The following BLTP2 variants were observed in gnomAD, a reference collection of about 807,000 sequenced individuals.
BLTP2 encodes the protein U937-associated antigen.
At chr17:28,641,775 T>C in the BLTP2 span, 3 of 955,388 alleles carry the variant, frequency 3.1e-6, no homozygotes, top group East Asian at 4.9e-5. Context: ...AGGGTCAAAG[T>C]CCATGGTGAC....
chr17:28,635,626 A>G, the BLTP2 span: 1 of 1,594,006 alleles, frequency 6.3e-7, no homozygotes, highest in Non-Finnish European at 8.5e-7. Context: ...GGAGCAGAAG[A>G]AAAGGATCTG....
chr17:28,618,337 G>A, the BLTP2 span, among the ~76,000 whole-genome samples: 17 of 150,528 alleles, frequency 1.1e-4, no homozygotes, highest in East Asian at 2.0e-4. Flanking sequence ...CTGCAGGCTC[G>A]AACTCCAGGG....
the BLTP2 span, chr17:28,638,537 A>G: frequency 5.7e-5 from 92 of 1,610,524 alleles, no homozygotes; most frequent in Non-Finnish European, 7.4e-5. Context: ...GAGAGATAGA[A>G]TTGAATCCCA....
At chr17:28,638,458 G>A in the BLTP2 span, 16 of 1,603,216 alleles carry the variant, frequency 1.0e-5, no homozygotes, top group Non-Finnish European at 1.3e-5. Flanking sequence ...AGCCACTGTG[G>A]CCATCAATTG....
chr17:28,643,926 T>C, the BLTP2 span: 3 of 1,221,662 alleles, frequency 2.5e-6, no homozygotes, highest in African/African-American at 1.5e-5. Flanking sequence ...AAGATCATCT[T>C]GGCAAAGAAA....
chr17:28,621,829 T>C, the BLTP2 span, among the ~76,000 whole-genome samples: 3 of 152,198 alleles, frequency 2.0e-5, no homozygotes, highest in African/African-American at 7.2e-5. Context: ...TCACACATTT[T>C]GGTATTTGTT....
the BLTP2 span, among the ~76,000 whole-genome samples, chr17:28,627,410 AT>A: frequency 9.5e-3 from 1,337 of 141,098 alleles, 15 homozygotes; most frequent in African/African-American, 0.027. Flanking sequence ...CAATACCTCC[AT>A]TTTTTTTTTT....
chr17:28,642,816 G>T, the BLTP2 span: 1 of 985,934 alleles, frequency 1.0e-6, no homozygotes, highest in Non-Finnish European at 1.6e-6. Flanking sequence ...AGGCCCTGAA[G>T]CAACTCTGAG....
the BLTP2 span, chr17:28,628,220 A>G: frequency 6.5e-7 from 1 of 1,549,552 alleles, no homozygotes. Flanking sequence ...GCCCATATCC[A>G]TGTTCTAAAC....
At chr17:28,634,480 A>G in the BLTP2 span, 3 of 1,552,790 alleles carry the variant, frequency 1.9e-6, no homozygotes, top group Admixed American at 1.8e-5. Context: ...CTCAGCGGGC[A>G]AACACGGGGT....
chr17:28,625,889 C>T, the BLTP2 span, among the ~76,000 whole-genome samples: 1 of 152,236 alleles, frequency 6.6e-6, no homozygotes, highest in African/African-American at 2.4e-5. Context: ...CTCAGCCTCC[C>T]GAGTAGCTGG....
the BLTP2 span, among the ~76,000 whole-genome samples, chr17:28,627,626 C>G: frequency 6.6e-6 from 1 of 152,212 alleles, no homozygotes; most frequent in Non-Finnish European, 1.5e-5. Context: ...CCAGGATAGT[C>G]TCGATCTCCT....
chr17:28,639,795 T>G, the BLTP2 span: 1 of 1,470,630 alleles, frequency 6.8e-7, no homozygotes, highest in East Asian at 2.3e-5. Context: ...CTCCTTCCAC[T>G]CCCCAGTTAC....
the BLTP2 span, chr17:28,640,515 C>T: frequency 1.9e-6 from 3 of 1,608,072 alleles, no homozygotes; most frequent in East Asian, 2.2e-5. Flanking sequence ...CAACATACAG[C>T]TCCCACTATC....
the BLTP2 span, among the ~76,000 whole-genome samples, chr17:28,625,921 T>A: frequency 6.6e-6 from 1 of 152,114 alleles, no homozygotes; most frequent in Admixed American, 6.5e-5. Flanking sequence ...CACACCACCA[T>A]GCCCAGCTAA....
the BLTP2 span, chr17:28,642,906 T>G: frequency 1.9e-6 from 3 of 1,609,384 alleles, no homozygotes; most frequent in Non-Finnish European, 2.6e-6. Flanking sequence ...CTGCTTCTAC[T>G]GATCTGAATA....
the BLTP2 span, chr17:28,617,450 TC>T: frequency 6.4e-6 from 4 of 623,124 alleles, no homozygotes; most frequent in Non-Finnish European, 1.2e-5. Flanking sequence ...TCCTTCAAAC[TC>T]ATACAATCAA....
the BLTP2 span, chr17:28,628,511 G>A: frequency 5.6e-6 from 9 of 1,614,182 alleles, no homozygotes; most frequent in Non-Finnish European, 6.8e-6. Context: ...TCTACTAAGT[G>A]CAGCTGATGT....
chr17:28,639,867 T>C, the BLTP2 span: 110 of 1,613,240 alleles, frequency 6.8e-5, no homozygotes, highest in Non-Finnish European at 9.1e-5. Context: ...AGTCCTCCCA[T>C]TCTCGCTCAG....
Sources: gnomAD v4.1 joint callset for allele counts (sites outside exome capture counted in the v4.1 genomes callset) on GRCh38, gnomAD v4.1.1 for gene constraint, MANE v1.5 for transcripts, NCBI Gene and HGNC (gene_info 2026-07-23, HGNC 2026-07-21) for gene names.